The following RYR3 variants were observed in gnomAD, a reference collection of about 807,000 sequenced individuals.
RYR3 encodes brain ryanodine receptor-calcium release channel.
A neutral mutation model predicts 584.3 loss-of-function variants in RYR3; 207 were observed. The ratio of observed to expected loss-of-function variants is 0.35; its 90% CI spans 0.32 to 0.40. The LOEUF (loss-of-function observed/expected upper bound fraction) is 0.40, where lower values mean the gene tolerates loss of function less well. Among genes scored for constraint, RYR3 ranks in the 10% least tolerant of loss-of-function variants. The pLI is 1.00. For synonymous variants in RYR3, 2,416 were observed against 2,248.5 expected, an observed-to-expected ratio of 1.07 and a Z score of -2.11; for missense variants, 5,616 against 6,089.2, an observed-to-expected ratio of 0.92 and a Z score of 2.59.
intron 2 of RYR3, among the ~76,000 whole-genome samples, chr15:33,490,541 AGAGT>A (rs2050877345): frequency 6.6e-6 from 1 of 152,138 alleles, no homozygotes. Flanking sequence ...TTCAATTCCA[AGAGT>A]AGTCACTTCA....
intron 42 of RYR3, among the ~76,000 whole-genome samples, chr15:33,703,504 C>T (rs940084484): frequency 1.1e-4 from 17 of 152,152 alleles, no homozygotes; most frequent in Non-Finnish European, 2.1e-4. Flanking sequence ...TTTGTGTGCA[C>T]GTATCCTTGC....
intron 1 of RYR3, among the ~76,000 whole-genome samples, chr15:33,404,870 AT>A (rs1402940756): frequency 7.2e-5 from 11 of 152,110 alleles, no homozygotes; most frequent in African/African-American, 2.7e-4. Context: ...GATGTCAAGT[AT>A]TTTAGGGGCT....
intron 2 of RYR3, among the ~76,000 whole-genome samples, chr15:33,487,567 G>C (rs549825053): frequency 1.3e-5 from 2 of 152,156 alleles, no homozygotes; most frequent in South Asian, 4.2e-4. Flanking sequence ...CAACATTTTG[G>C]GTGAACAGAG....
rs763523192 is a variant in RYR3, at chr15:33,853,600, G to C, written c.13717G>C (p.Glu4573Gln). The C allele has an allele frequency of 6.6e-5, 107 of 1,613,860 alleles. No homozygotes were observed. Among genetic ancestry groups the C allele is most frequent in the Non-Finnish European group, 8.2e-5 (97 of 1,179,896 alleles). The change falls in exon 96 of 104, where the codon GAA becomes CAA. Residue 4573 changes from glutamate to glutamine, a missense_variant. Glu to Gln is a conservative substitution (Grantham distance 29). Coordinates refer to ENST00000634891, the MANE Select transcript of RYR3 (RefSeq NM_001036.6). ...TCTCTACGGAGCAGAACGCATTGCT[G>C]AACTTCTGGGTTTGGACAAAAATGC... ...GDLYGAERIA[E>Q]LLGLDKNALD...
chr15:33,813,369 A>C, intron 73 of RYR3, 98 bp from the exon 74 acceptor site: 1 of 1,097,836 alleles, frequency 9.1e-7, no homozygotes, highest in Non-Finnish European at 1.4e-6. Flanking sequence ...TGAGAAGCCA[A>C]AATTCTTCCA....
At chr15:33,862,321 G>C (rs781577228) in intron 102 of RYR3, among the ~76,000 whole-genome samples, 1 of 151,800 alleles carries the variant, frequency 6.6e-6, no homozygotes, top group South Asian at 2.1e-4. Context: ...CAAGACATCC[G>C]CCTCAGCCTC....
chr15:33,371,912 A>C (rs994176444), intron 1 of RYR3, among the ~76,000 whole-genome samples: 8 of 152,206 alleles, frequency 5.3e-5, no homozygotes, highest in African/African-American at 9.6e-5. Flanking sequence ...TGGAACCCTT[A>C]TGAGCACCAA....
chr15:33,374,579 C>T (rs2040587183), intron 1 of RYR3, among the ~76,000 whole-genome samples: 2 of 152,158 alleles, frequency 1.3e-5, no homozygotes, highest in South Asian at 4.1e-4. Flanking sequence ...TTCCTCAGCA[C>T]ACCAGATCAC....
At position 33,776,735 on chromosome 15, in the gene RYR3, C is replaced by T. The variant is rs144556476; in HGVS notation, c.9137+3120C>T. 1.3e-3 allele frequency among the ~76,000 whole-genome samples: 199 copies of T among 152,280 alleles called. 1 individual carries two copies. The highest frequency in any genetic ancestry group is 4.3e-3 in the African/African-American group (179 of 41,552). ...TGAAGGAACTTTCAAAATTGCAAAG[C>T]ACCATTTACGTGCAAGATATTATTA... On this transcript the variant is annotated intron_variant, in intron 64 of 103. Transcript: ENST00000634891.
chr15:33,862,476 G>C (rs1283496905), intron 102 of RYR3, among the ~76,000 whole-genome samples: 1 of 152,184 alleles, frequency 6.6e-6, no homozygotes, highest in South Asian at 2.1e-4. Context: ...CAGAGTGCTG[G>C]GATTACGGGT....
intron 3 of RYR3, among the ~76,000 whole-genome samples, chr15:33,520,327 T>C (rs891405055): frequency 1.3e-5 from 2 of 152,206 alleles, no homozygotes; most frequent in Non-Finnish European, 2.9e-5. Context: ...ATCGGACTTT[T>C]TGAATGTTAG....
intron 2 of RYR3, among the ~76,000 whole-genome samples, chr15:33,502,339 G>A (rs558738070): frequency 3.7e-4 from 57 of 152,204 alleles, no homozygotes; most frequent in Non-Finnish European, 7.1e-4. Context: ...AGAGGTTGTC[G>A]GAGCCTTAGT....
intron 60 of RYR3, among the ~76,000 whole-genome samples, chr15:33,759,662 C>T (rs993011256): frequency 4.6e-5 from 7 of 152,154 alleles, no homozygotes; most frequent in African/African-American, 7.2e-5. Flanking sequence ...ACCAAACCTA[C>T]GTTTGATTGG....
chr15:33,553,687 G>C (rs1033182571), intron 10 of RYR3, among the ~76,000 whole-genome samples: 2 of 152,166 alleles, frequency 1.3e-5, no homozygotes, highest in African/African-American at 2.4e-5. Context: ...CTAGGATGTA[G>C]TATTACTTCC....
intron 1 of RYR3, among the ~76,000 whole-genome samples, chr15:33,437,599 A>T (rs986072531): frequency 1.3e-5 from 2 of 152,234 alleles, no homozygotes; most frequent in African/African-American, 4.8e-5. Context: ...GGAAGAAAAC[A>T]AGGAAGAACG....
At chr15:33,791,715 T>C (rs1192342027) in intron 67 of RYR3, among the ~76,000 whole-genome samples, 1 of 152,132 alleles carries the variant, frequency 6.6e-6, no homozygotes, top group African/African-American at 2.4e-5. Flanking sequence ...GGAAGTTGCA[T>C]TTAATGAGAG....
intron 43 of RYR3, among the ~76,000 whole-genome samples, chr15:33,722,098 T>A (rs543641521): frequency 6.6e-6 from 1 of 152,232 alleles, no homozygotes; most frequent in South Asian, 2.1e-4. Flanking sequence ...TTAGACTCTG[T>A]GAGAGTATTA....
At chr15:33,840,205 G>A (rs2078272890) in intron 89 of RYR3, among the ~76,000 whole-genome samples, 1 of 152,190 alleles carries the variant, frequency 6.6e-6, no homozygotes, top group African/African-American at 2.4e-5. Context: ...AGCTGGGGCA[G>A]GCATACTCCA....
intron 17 of RYR3, among the ~76,000 whole-genome samples, chr15:33,602,768 C>T (rs1345285415): frequency 1.0e-5 from 1 of 98,560 alleles, no homozygotes; most frequent in African/African-American, 4.1e-5. Context: ...TTTTTGGAGA[C>T]AAGGTCTCAC....
Sources: allele counts gnomAD v4.1 joint callset (sites outside exome capture counted in the v4.1 genomes callset), GRCh38; gene constraint gnomAD v4.1.1; transcripts MANE v1.5; gene names NCBI Gene and HGNC (gene_info 2026-07-23, HGNC 2026-07-21).